Variants in ANKFN1 observed in about 807,000 individuals in gnomAD.
ANKFN1 encodes the protein ankyrin repeat and fibronectin type-III domain-containing protein 1.
In ANKFN1, 74 loss-of-function variants were observed where a neutral mutation model predicts 108.7. That is an observed-to-expected ratio of 0.68 (90% CI 0.56 to 0.83). ANKFN1 has a LOEUF of 0.83. Ranked by LOEUF, ANKFN1 falls within the 40% of genes least tolerant of loss-of-function variation. The pLI is 0.00. For synonymous variants in ANKFN1, 547 were observed against 516.2 expected, an observed-to-expected ratio of 1.06 and a Z score of -0.81; for missense variants, 1,505 against 1,382.3, an observed-to-expected ratio of 1.09 and a Z score of -1.41.
intron 4 of ANKFN1, among the ~76,000 whole-genome samples, chr17:56,131,878 A>G (rs1208173836): frequency 6.6e-6 from 1 of 152,190 alleles, no homozygotes; most frequent in Non-Finnish European, 1.5e-5. Flanking sequence ...TCTTTTAAAG[A>G]TGAGAACATT....
intron 15 of ANKFN1, among the ~76,000 whole-genome samples, chr17:56,469,360 T>C (rs2050238519): frequency 6.6e-6 from 1 of 151,784 alleles, no homozygotes; most frequent in African/African-American, 2.4e-5. Context: ...TTTAATTATA[T>C]CAGGAGTTGG....
At chr17:56,506,040 ATTTGT>A (rs143403689) in intron 20 of ANKFN1, among the ~76,000 whole-genome samples, 78,334 of 151,160 alleles carry the variant, frequency 0.52, 24,777 homozygotes, top group East Asian at 0.74. Flanking sequence ...AAGTGACATT[ATTTGT>A]TTTTTTTGTT....
intron 4 of ANKFN1, among the ~76,000 whole-genome samples, chr17:56,098,470 C>G (rs1355927133): frequency 6.6e-6 from 1 of 152,002 alleles, no homozygotes; most frequent in African/African-American, 2.4e-5. Flanking sequence ...CCCATTCCAC[C>G]AGCCAGATTT....
intron 4 of ANKFN1, among the ~76,000 whole-genome samples, chr17:56,338,119 G>T (rs1000633246): frequency 6.6e-6 from 1 of 152,198 alleles, no homozygotes. Flanking sequence ...ACACTATGCA[G>T]CCATAAAAAA....
chr17:56,447,758 A>T (rs748139485), intron 10 of ANKFN1, among the ~76,000 whole-genome samples: 55 of 152,296 alleles, frequency 3.6e-4, no homozygotes, highest in Middle Eastern at 3.4e-3. Context: ...GACACCTAAG[A>T]TATCTCTCAT....
At chr17:56,388,207 T>G (rs1212788396) in intron 8 of ANKFN1, among the ~76,000 whole-genome samples, 2 of 152,012 alleles carry the variant, frequency 1.3e-5, no homozygotes, top group Non-Finnish European at 2.9e-5. Flanking sequence ...GGCATGATCT[T>G]GGCTCACTGC....
chr17:56,467,830 GAA>G (rs1568026697), intron 15 of ANKFN1, among the ~76,000 whole-genome samples: 7 of 68,658 alleles, frequency 1.0e-4, no homozygotes, highest in African/African-American at 2.7e-4. Context: ...AAGAAAGAAA[GAA>G]AGAAAGAAAG....
At chr17:56,306,832 A>T (rs1486422615) in intron 3 of ANKFN1, among the ~76,000 whole-genome samples, 2 of 152,202 alleles carry the variant, frequency 1.3e-5, no homozygotes, top group African/African-American at 4.8e-5. Flanking sequence ...AAACTATACT[A>T]CAAGGCTACA....
chr17:56,269,474 G>A (rs1283406550), intron 3 of ANKFN1, among the ~76,000 whole-genome samples: 1 of 152,086 alleles, frequency 6.6e-6, no homozygotes, highest in East Asian at 1.9e-4. Flanking sequence ...TTATTGACTT[G>A]CCCAAGGTCA....
intron 14 of ANKFN1, 70 bp from the exon 15 acceptor site, chr17:56,466,286 C>G (rs2050070146): frequency 7.4e-7 from 1 of 1,360,010 alleles, no homozygotes; most frequent in African/African-American, 1.5e-5. Flanking sequence ...TTCACGGTGT[C>G]TTTTGTTGCC....
intron 4 of ANKFN1, among the ~76,000 whole-genome samples, chr17:56,107,037 T>A (rs979891838): frequency 6.6e-6 from 1 of 152,180 alleles, no homozygotes; most frequent in African/African-American, 2.4e-5. Context: ...GAAAATCATA[T>A]AATCCAGGGG....
chr17:56,209,234 G>A (rs1489222795), intron 1 of ANKFN1, among the ~76,000 whole-genome samples: 1 of 151,998 alleles, frequency 6.6e-6, no homozygotes, highest in Non-Finnish European at 1.5e-5. Context: ...ACCTCTCTGA[G>A]CAAATTTACC....
At chr17:56,302,459 G>A (rs1299504424) in intron 3 of ANKFN1, among the ~76,000 whole-genome samples, 1 of 146,044 alleles carries the variant, frequency 6.8e-6, no homozygotes, top group African/African-American at 2.6e-5. Context: ...AAGCTGCAGT[G>A]AGCCATAATC....
At chr17:56,183,779 ACC>A (rs1358582725) in intron 1 of ANKFN1, among the ~76,000 whole-genome samples, 7 of 152,114 alleles carry the variant, frequency 4.6e-5, no homozygotes, top group Non-Finnish European at 7.4e-5. Context: ...ACAGACTAAC[ACC>A]ACCAGCATTT....
rs2051860550 is a variant in ANKFN1, at chr17:56,514,536, C to G, written c.*3267C>G. On this transcript the variant is annotated 3_prime_UTR_variant, in exon 21 of 21. Transcript: ENST00000682825. ...CAACTACTTAACAAAGCTAAAACAT[C>G]CTCTTAATTGGCGAGGGTGCCTGGG... Among the ~76,000 whole-genome samples the G allele has an allele frequency of 6.6e-6, 1 of 152,148 alleles. No homozygotes were observed. Among genetic ancestry groups the G allele is most frequent in the South Asian group, 2.1e-4 (1 of 4,824 alleles).
intron 8 of ANKFN1, among the ~76,000 whole-genome samples, chr17:56,417,083 G>A (rs375144014): frequency 6.6e-6 from 1 of 151,952 alleles, no homozygotes; most frequent in African/African-American, 2.4e-5. Flanking sequence ...AGGTTGGGGG[G>A]AATAGTGGGG....
intron 6 of ANKFN1, among the ~76,000 whole-genome samples, chr17:56,356,165 TATC>T (rs2046371688): frequency 6.6e-6 from 1 of 152,054 alleles, no homozygotes; most frequent in African/African-American, 2.4e-5. Context: ...GGTGGGATAA[TATC>T]ATGCAGCACT....
At chr17:56,306,906 G>A (rs1345451741) in intron 3 of ANKFN1, among the ~76,000 whole-genome samples, 2 of 152,056 alleles carry the variant, frequency 1.3e-5, no homozygotes, top group Non-Finnish European at 2.9e-5. Context: ...CAGAACAGAG[G>A]CCTCAGAAAT....
chr17:56,359,987 G>A (rs572310379), intron 6 of ANKFN1, among the ~76,000 whole-genome samples: 4 of 152,224 alleles, frequency 2.6e-5, no homozygotes, highest in East Asian at 1.9e-4. Context: ...ATTGCCTAGC[G>A]TCATCACCCT....
Sources: allele counts gnomAD v4.1 joint callset (sites outside exome capture counted in the v4.1 genomes callset), GRCh38; gene constraint gnomAD v4.1.1; transcripts MANE v1.5; gene names NCBI Gene and HGNC (gene_info 2026-07-23, HGNC 2026-07-21).